The following ST3GAL3 variants were observed in gnomAD, a reference collection of about 807,000 sequenced individuals.
The protein encoded by ST3GAL3 is ST3 beta-galactoside alpha-2,3-sialyltransferase 3.
ST3GAL3 carries 21 observed loss-of-function variants against 50.1 expected under a neutral mutation model. The ratio of observed to expected loss-of-function variants is 0.42; its 90% CI spans 0.30 to 0.60. ST3GAL3 has a LOEUF of 0.60. ST3GAL3 is among the 20% of genes least tolerant of loss of function. The probability of loss-of-function intolerance (pLI) is 0.19; values close to 1 mark genes in which losing one functional copy is unlikely to be tolerated. For missense variants in ST3GAL3, 353 were observed against 489.4 expected (o/e 0.72, Z 2.63); for synonymous variants, 183 against 190.0 (o/e 0.96, Z 0.30).
intron 2 of ST3GAL3, among the ~76,000 whole-genome samples, chr1:43,783,257 C>T (rs1572780015): frequency 1.3e-5 from 2 of 152,194 alleles, no homozygotes; most frequent in African/African-American, 4.8e-5. Flanking sequence ...TCCCTGCCCT[C>T]GACCTCTTCT....
At chr1:43,893,748 T>C (rs1260907079) in intron 5 of ST3GAL3, among the ~76,000 whole-genome samples, 1 of 152,124 alleles carries the variant, frequency 6.6e-6, no homozygotes, top group Non-Finnish European at 1.5e-5. Context: ...TAGCCTCCTC[T>C]CTTTCCTTCT....
chr1:43,818,792 T>TA (rs2061721925), intron 4 of ST3GAL3, among the ~76,000 whole-genome samples: 1 of 150,360 alleles, frequency 6.7e-6, no homozygotes, highest in African/African-American at 2.4e-5. Flanking sequence ...CTTCTAGAGT[T>TA]AAAAAATACA....
At chr1:43,731,281 G>T (rs1036583622) in intron 1 of ST3GAL3, among the ~76,000 whole-genome samples, 2 of 151,888 alleles carry the variant, frequency 1.3e-5, no homozygotes, top group Non-Finnish European at 2.9e-5. Flanking sequence ...GCACGATTTC[G>T]GCTCACTGCA....
intron 5 of ST3GAL3, among the ~76,000 whole-genome samples, chr1:43,859,779 G>GT (rs1165713714): frequency 1.3e-5 from 2 of 152,192 alleles, no homozygotes; most frequent in African/African-American, 2.4e-5. Flanking sequence ...GGCTGGCTCT[G>GT]TACCTGCTGT....
At chr1:43,853,330 G>A (rs1369668826) in intron 5 of ST3GAL3, among the ~76,000 whole-genome samples, 1 of 152,176 alleles carries the variant, frequency 6.6e-6, no homozygotes, top group Non-Finnish European at 1.5e-5. Flanking sequence ...TTTGGATCAG[G>A]TCCCATGCTG....
intron 2 of ST3GAL3, among the ~76,000 whole-genome samples, chr1:43,762,354 T>TC (rs1558187223): frequency 1.3e-5 from 2 of 151,982 alleles, no homozygotes; most frequent in African/African-American, 4.8e-5. Context: ...CAGAGACTTA[T>TC]TTAGTCTCTG....
intron 3 of ST3GAL3, among the ~76,000 whole-genome samples, chr1:43,805,635 G>A (rs572783387): frequency 6.6e-5 from 10 of 152,362 alleles, no homozygotes; most frequent in Admixed American, 2.6e-4. Flanking sequence ...GAGGAGAGGC[G>A]TCTGTCGGTA....
rs1473319950 is a variant in ST3GAL3, at chr1:43,859,218, T to C, written c.302+20907T>C. Among the ~76,000 whole-genome samples, 3 of 152,172 alleles carry C rather than the reference T, an allele frequency of 2.0e-5. No individual in the cohort carries two copies. In the East Asian group the frequency reaches 5.8e-4, roughly 29 times the overall value. ...AAAAAGGCCTGTTGACAGCTGGCCC[T>C]GTGACATCTTTGTGGCCCTTGTGTT... On this transcript the variant is annotated intron_variant, in intron 5 of 11. Coordinates refer to ENST00000347631, the MANE Select transcript of ST3GAL3 (RefSeq NM_006279.5).
intron 4 of ST3GAL3, 118 bp downstream of exon 4, chr1:43,815,051 T>A: frequency 9.7e-7 from 1 of 1,029,578 alleles, no homozygotes; most frequent in Non-Finnish European, 1.5e-6. Flanking sequence ...CCCTGGGGCC[T>A]CTGTCCTCAG....
At position 43,761,950 on chromosome 1, in the gene ST3GAL3, C is replaced by CAA. The variant is rs67747915; in HGVS notation, c.118+25598_118+25599dup. ...TGGGCAACAGAGCGACACTCTGTCT[C>CAA]AAAAAAAAAAAAAAAAAAAAAAAAA... On this transcript the variant is annotated intron_variant, in intron 2 of 11. Transcript: ENST00000347631. 6.7e-3 allele frequency among the ~76,000 whole-genome samples: 461 copies of CAA among 68,812 alleles called. 10 individuals carry two copies. The highest frequency in any genetic ancestry group is 0.025 in the African/African-American group (257 of 10,346). The allele number at this position is 68,812 out of a possible 152,430, so 45.1% of individuals were successfully genotyped here. A position where few individuals can be genotyped will look rare whatever the true frequency, so the allele number is the denominator to read the frequency against.
chr1:43,856,245 T>C (rs2068348580), intron 5 of ST3GAL3, among the ~76,000 whole-genome samples: 2 of 152,262 alleles, frequency 1.3e-5, no homozygotes, highest in South Asian at 2.1e-4. Flanking sequence ...TGTTTTTACA[T>C]ACACACACAA....
At chr1:43,816,178 G>C (rs1367049566) in intron 4 of ST3GAL3, among the ~76,000 whole-genome samples, 4 of 152,142 alleles carry the variant, frequency 2.6e-5, no homozygotes, top group Non-Finnish European at 4.4e-5. Flanking sequence ...TTCCTTTTCT[G>C]TCTTGCATAA....
chr1:43,771,697 G>T (rs1344528864), intron 2 of ST3GAL3, among the ~76,000 whole-genome samples: 1 of 150,732 alleles, frequency 6.6e-6, no homozygotes, highest in African/African-American at 2.5e-5. Flanking sequence ...CCCTAATTTA[G>T]TCCAGAACTC....
chr1:43,908,824 G>A (rs1404169908), intron 9 of ST3GAL3, among the ~76,000 whole-genome samples: 1 of 152,074 alleles, frequency 6.6e-6, no homozygotes, highest in Non-Finnish European at 1.5e-5. Flanking sequence ...TAGAGATGGG[G>A]TTTCGCCATG....
rs1019999667 is a variant in ST3GAL3 at position 43,838,311 on chromosome 1, G to A, written c.302G>A (p.Arg101Gln). ...ASALMTAIFP[R>Q]FSKPAPMFLD... ...GCCTTGATGACGGCCATCTTCCCCC[G>A]GTAAGTGCTCCTGTTTCCCTCCACT... Residue 101 changes from arginine (R) to glutamine (Q), a missense_variant and splice_region_variant, in exon 5 of 12, where the codon CGG (arginine) becomes CAG (glutamine). Coordinates refer to ENST00000347631, the MANE Select transcript of ST3GAL3 (RefSeq NM_006279.5). The A allele has an allele frequency of 1.9e-6, 3 of 1,613,136 alleles. No homozygotes were observed. The highest frequency in any genetic ancestry group is 1.7e-5 in the Admixed American group (1 of 59,980).
intron 4 of ST3GAL3, among the ~76,000 whole-genome samples, chr1:43,828,659 T>G (rs1334603085): frequency 1.3e-5 from 2 of 152,228 alleles, no homozygotes; most frequent in Non-Finnish European, 2.9e-5. Context: ...AAAAGATGTT[T>G]GCATTATATG....
intron 1 of ST3GAL3, among the ~76,000 whole-genome samples, chr1:43,710,291 A>G (rs1242096540): frequency 6.6e-6 from 1 of 152,154 alleles, no homozygotes; most frequent in East Asian, 1.9e-4. Flanking sequence ...CATGTTGGCC[A>G]GGCTGATCTT....
chr1:43,838,443 C>A, intron 5 of ST3GAL3, 132 bp downstream of exon 5: 1 of 869,066 alleles, frequency 1.2e-6, no homozygotes, highest in African/African-American at 1.7e-5. Flanking sequence ...AGGACTCTGC[C>A]TTTAAGTTGG....
chr1:43,900,316 A>G (rs367634220), intron 9 of ST3GAL3, among the ~76,000 whole-genome samples: 3 of 151,942 alleles, frequency 2.0e-5, no homozygotes, highest in Admixed American at 6.6e-5. Flanking sequence ...TGAATTCCCA[A>G]CCTGCCACTG....
Sources: allele counts gnomAD v4.1 joint callset (sites outside exome capture counted in the v4.1 genomes callset), GRCh38; gene constraint gnomAD v4.1.1; transcripts MANE v1.5; gene names NCBI Gene and HGNC (gene_info 2026-07-23, HGNC 2026-07-21).